The following GRID2 variants were observed in gnomAD, a reference collection of about 807,000 sequenced individuals.
The protein encoded by GRID2 is glutamate ionotropic receptor delta type subunit 2, also known as glutamate receptor ionotropic, delta-2.
Under a neutral mutation model 114.8 loss-of-function variants are expected in GRID2, and 33 were observed. The observed-to-expected ratio is 0.29, with a 90% CI of 0.22 to 0.38. GRID2 has a LOEUF of 0.38. GRID2 is among the 10% of genes least tolerant of loss of function. GRID2 has a pLI of 1.00. For synonymous variants in GRID2, 505 were observed against 449.9 expected, an observed-to-expected ratio of 1.12 and a Z score of -1.55; for missense variants, 1,184 against 1,257.7, an observed-to-expected ratio of 0.94 and a Z score of 0.89.
chr4:93,766,888 A>G (rs1286682195), intron 14 of GRID2, among the ~76,000 whole-genome samples: 2 of 152,186 alleles, frequency 1.3e-5, no homozygotes, highest in Non-Finnish European at 2.9e-5. Context: ...ACAATGTTGT[A>G]CAGTAGTTTT....
intron 2 of GRID2, among the ~76,000 whole-genome samples, chr4:93,047,988 G>A: frequency 6.6e-6 from 1 of 152,072 alleles, no homozygotes. Context: ...TCCAGGGAGA[G>A]AAATGGAGTA....
chr4:93,448,806 C>G (rs1329297736), intron 10 of GRID2, among the ~76,000 whole-genome samples: 3 of 10,986 alleles, frequency 2.7e-4, no homozygotes, highest in Non-Finnish European at 4.0e-4. Flanking sequence ...CTTCCCTTCC[C>G]TTCCCTTCCC....
intron 2 of GRID2, among the ~76,000 whole-genome samples, chr4:92,771,227 C>T (rs989774914): frequency 6.6e-6 from 1 of 152,092 alleles, no homozygotes; most frequent in Admixed American, 6.6e-5. Context: ...ATATTGCAGT[C>T]GTTAGTATCA....
At chr4:92,692,829 C>A (rs1399270094) in intron 2 of GRID2, among the ~76,000 whole-genome samples, 1 of 151,930 alleles carries the variant, frequency 6.6e-6, no homozygotes, top group Non-Finnish European at 1.5e-5. Context: ...TCCAGACCAG[C>A]CTGGCCAACA....
intron 2 of GRID2, among the ~76,000 whole-genome samples, chr4:92,741,494 C>G (rs1051636502): frequency 6.6e-6 from 1 of 152,140 alleles, no homozygotes; most frequent in African/African-American, 2.4e-5. Context: ...ACATGCCATC[C>G]AAACTAAACC....
At position 92,794,905 on chromosome 4, in the gene GRID2, T is replaced by TACACACAC. The variant is rs1553928475; in HGVS notation, c.244+204633_244+204640dup. Among the ~76,000 whole-genome samples the TACACACAC allele has an allele frequency of 4.1e-3, 518 of 127,744 alleles. 13 individuals carry two copies. In the East Asian group the frequency reaches 0.049, roughly 12 times the overall value. 83.8% of individuals were successfully genotyped at this position (127,744 alleles called of 152,430 possible). A position where few individuals can be genotyped will look rare whatever the true frequency, so the allele number is the denominator to read the frequency against. On this transcript the variant is annotated intron_variant, in intron 2 of 15. Coordinates refer to ENST00000282020, the MANE Select transcript of GRID2 (RefSeq NM_001510.4). ...ATATATATATATATATATATATATA[T>TACACACAC]ACACACACACACACACACACATATC...
At chr4:93,153,999 A>G (rs1371252368) in intron 4 of GRID2, among the ~76,000 whole-genome samples, 1 of 152,066 alleles carries the variant, frequency 6.6e-6, no homozygotes, top group African/African-American at 2.4e-5. Context: ...GTATTTTTGA[A>G]TAAATAGTGA....
chr4:92,754,186 A>G (rs573958737), intron 2 of GRID2, among the ~76,000 whole-genome samples: 5 of 152,340 alleles, frequency 3.3e-5, no homozygotes, highest in Non-Finnish European at 7.3e-5. Flanking sequence ...AATGTAAACT[A>G]CAGTGCCCAG....
intron 2 of GRID2, among the ~76,000 whole-genome samples, chr4:92,949,010 G>A (rs1751843228): frequency 6.6e-6 from 1 of 151,392 alleles, no homozygotes; most frequent in South Asian, 2.1e-4. Flanking sequence ...GTGGGTTTGT[G>A]TGGGCTTGAT....
At chr4:93,056,307 T>A (rs1401167078) in intron 2 of GRID2, among the ~76,000 whole-genome samples, 3 of 151,980 alleles carry the variant, frequency 2.0e-5, no homozygotes, top group Non-Finnish European at 4.4e-5. Context: ...GATTTATTTA[T>A]GAGCTTAAGA....
At chr4:93,590,399 G>A (rs1738100611) in intron 13 of GRID2, among the ~76,000 whole-genome samples, 1 of 149,452 alleles carries the variant, frequency 6.7e-6, no homozygotes, top group Non-Finnish European at 1.5e-5. Flanking sequence ...GCTCTGTTCT[G>A]TTCCATTGAT....
intron 2 of GRID2, among the ~76,000 whole-genome samples, chr4:92,610,911 G>A (rs1285678252): frequency 6.6e-6 from 1 of 151,578 alleles, no homozygotes; most frequent in East Asian, 1.9e-4. Context: ...GATGAATAGT[G>A]TTCTATTATA....
At chr4:92,612,164 C>A (rs1579683453) in intron 2 of GRID2, among the ~76,000 whole-genome samples, 1 of 151,244 alleles carries the variant, frequency 6.6e-6, no homozygotes, top group Non-Finnish European at 1.5e-5. Flanking sequence ...TGGTATGAGG[C>A]ACTGTTTTGG....
At chr4:93,091,681 A>G (rs1730804051) in intron 3 of GRID2, among the ~76,000 whole-genome samples, 2 of 152,112 alleles carry the variant, frequency 1.3e-5, no homozygotes, top group Middle Eastern at 3.2e-3. Context: ...ATGGTGCAAG[A>G]GCTACAAGGA....
At chr4:93,040,447 G>T (rs1725400946) in intron 2 of GRID2, among the ~76,000 whole-genome samples, 1 of 152,102 alleles carries the variant, frequency 6.6e-6, no homozygotes, top group African/African-American at 2.4e-5. Context: ...AGTTTAACAA[G>T]ATTTAATTGT....
intron 2 of GRID2, among the ~76,000 whole-genome samples, chr4:92,729,903 A>G (rs567199416): frequency 1.3e-5 from 2 of 152,136 alleles, no homozygotes; most frequent in African/African-American, 4.8e-5. Flanking sequence ...ATTGGTAACA[A>G]CAACAACAAG....
intron 2 of GRID2, among the ~76,000 whole-genome samples, chr4:92,984,012 G>T (rs1037250114): frequency 1.3e-5 from 2 of 152,112 alleles, no homozygotes; most frequent in African/African-American, 2.4e-5. Context: ...TAACCTCTTT[G>T]GCCCTCAGTG....
intron 2 of GRID2, among the ~76,000 whole-genome samples, chr4:92,597,334 T>G (rs1047569603): frequency 5.3e-5 from 8 of 152,152 alleles, no homozygotes; most frequent in African/African-American, 1.9e-4. Context: ...TTTGTATGTC[T>G]TTCCCTTACC....
intron 2 of GRID2, among the ~76,000 whole-genome samples, chr4:92,864,347 A>G (rs1199504919): frequency 1.3e-5 from 2 of 152,232 alleles, no homozygotes; most frequent in Admixed American, 6.5e-5. Flanking sequence ...AGTCTTTTCA[A>G]TAGCAGAATC....
Sources: gnomAD v4.1 joint callset for allele counts (sites outside exome capture counted in the v4.1 genomes callset) on GRCh38, gnomAD v4.1.1 for gene constraint, MANE v1.5 for transcripts, NCBI Gene and HGNC (gene_info 2026-07-23, HGNC 2026-07-21) for gene names.